The following TENM1 variants were observed in gnomAD, a reference collection of about 807,000 sequenced individuals.
The protein encoded by TENM1 is teneurin-1.
Under a neutral mutation model 174.8 loss-of-function variants are expected in TENM1, and 35 were observed. The ratio of observed to expected loss-of-function variants is 0.20; its 90% CI spans 0.15 to 0.27. TENM1 has a LOEUF of 0.27. Among genes scored for constraint, TENM1 ranks in the 10% least tolerant of loss-of-function variants. TENM1 has a pLI of 1.00. For missense variants in TENM1, 1,633 were observed against 2,130.1 expected (o/e 0.77, Z 4.59); for synonymous variants, 781 against 798.7 (o/e 0.98, Z 0.37).
In TENM1 at chrX:124,399,845, G is replaced by T. The variant is rs762511955; in HGVS notation, c.5391+5186C>A. Reference sequence around the variant, plus strand: ...AAATTAGCCGAGCACGGTGGCATGCGCCTGTAGTCCCAGCTACTCAGGAGA... The same window carrying T: ...AAATTAGCCGAGCACGGTGGCATGCTCCTGTAGTCCCAGCTACTCAGGAGA... On this transcript the variant is annotated intron_variant, in intron 27 of 31. Coordinates refer to ENST00000422452, the Ensembl canonical transcript of TENM1. Among the ~76,000 whole-genome samples the T allele has an allele frequency of 5.4e-5, 6 of 111,508 alleles. 1 individual carries two copies. In the South Asian group the frequency reaches 2.3e-3, roughly 42 times the overall value.
chrX:125,100,812 C>T, the TENM1 span, among the ~76,000 whole-genome samples: 1 of 111,289 alleles, frequency 9.0e-6, no homozygotes, highest in Admixed American at 9.6e-5. Context: ...ACTTATACAC[C>T]ACTTTTTTAA....
chrX:124,743,231 C>T (rs1168037005), intron 3 of TENM1, among the ~76,000 whole-genome samples: 1 of 111,522 alleles, frequency 9.0e-6, no homozygotes, highest in Non-Finnish European at 1.9e-5. Context: ...GGTAAGAAAA[C>T]TGGTTTTCAG....
chrX:125,146,314 G>C, the TENM1 span, among the ~76,000 whole-genome samples: 1 of 111,000 alleles, frequency 9.0e-6, no homozygotes, highest in African/African-American at 3.3e-5. Context: ...CTGGGGAGGG[G>C]GTTTAAGGAT....
the TENM1 span, among the ~76,000 whole-genome samples, chrX:125,192,292 G>C: frequency 1.8e-5 from 2 of 112,071 alleles, no homozygotes; most frequent in African/African-American, 6.5e-5. Flanking sequence ...TGTTTGAGGG[G>C]GGACATAGCA....
the TENM1 span, among the ~76,000 whole-genome samples, chrX:125,167,621 G>A: frequency 9.0e-6 from 1 of 111,148 alleles, no homozygotes; most frequent in Non-Finnish European, 1.9e-5. Flanking sequence ...AAGACCTAGG[G>A]TTTCGCCCAT....
intron 23 of TENM1, among the ~76,000 whole-genome samples, chrX:124,433,711 A>G (rs769041175): frequency 1.2e-3 from 138 of 112,541 alleles, no homozygotes; most frequent in Non-Finnish European, 2.0e-3. Flanking sequence ...AGGCTCTAAG[A>G]AAAACTATTT....
Position 124,620,126 on chromosome X carries a change from C to A in TENM1, c.2077+21665G>T, listed in dbSNP as rs1383948789. On this transcript the variant is annotated intron_variant, in intron 11 of 31. Coordinates refer to ENST00000422452, the Ensembl canonical transcript of TENM1. ...TCTCCCTTCTAGCCAAACTTGATTT[C>A]TCTGTATATTACTTACTTCTTTTCT... is the stretch of plus-strand genomic sequence containing the variant. Among the ~76,000 whole-genome samples, 5 of 112,334 alleles carry A rather than the reference C, an allele frequency of 4.5e-5. No homozygotes were observed. In the Admixed American group the frequency reaches 4.7e-4, roughly 11 times the overall value.
intron 1 of TENM1, among the ~76,000 whole-genome samples, chrX:124,917,332 T>C (rs1212989778): frequency 8.9e-6 from 1 of 111,998 alleles, no homozygotes; most frequent in African/African-American, 3.3e-5. Flanking sequence ...AACTTTTTTT[T>C]TCTCTTAAGC....
At chrX:124,793,270 A>T (rs909891151) in intron 3 of TENM1, among the ~76,000 whole-genome samples, 25 of 111,551 alleles carry the variant, frequency 2.2e-4, no homozygotes, top group Non-Finnish European at 4.3e-4. Flanking sequence ...TACTCTGGTA[A>T]TTATTTTTAA....
At chrX:125,101,527 G>A in the TENM1 span, among the ~76,000 whole-genome samples, 1 of 111,816 alleles carries the variant, frequency 8.9e-6, no homozygotes, top group Admixed American at 9.5e-5. Flanking sequence ...TGGAAATGGA[G>A]CCCCATGTTT....
At chrX:124,794,518 T>C (rs1157799114) in intron 3 of TENM1, among the ~76,000 whole-genome samples, 1 of 111,091 alleles carries the variant, frequency 9.0e-6, no homozygotes, top group African/African-American at 3.3e-5. Context: ...CAGAAATATA[T>C]CTTCTCTCTA....
intron 28 of TENM1, among the ~76,000 whole-genome samples, chrX:124,389,137 C>T (rs1307032426): frequency 9.0e-6 from 1 of 110,740 alleles, no homozygotes; most frequent in Admixed American, 9.6e-5. Context: ...CAGCCATTAC[C>T]CAAATAATTA....
chrX:124,575,567 T>C (rs2148198696), intron 11 of TENM1, among the ~76,000 whole-genome samples: 1 of 112,154 alleles, frequency 8.9e-6, no homozygotes, highest in African/African-American at 3.2e-5. Context: ...TCAAAAGTTG[T>C]AATGACTTTG....
intron 3 of TENM1, among the ~76,000 whole-genome samples, chrX:124,822,783 C>A (rs767385192): frequency 1.8e-5 from 2 of 111,814 alleles, no homozygotes; most frequent in Non-Finnish European, 1.9e-5. Context: ...TGTCTATAAT[C>A]CAGTGTTGCA....
At chrX:124,579,575 T>C (rs2049252123) in intron 11 of TENM1, among the ~76,000 whole-genome samples, 1 of 112,050 alleles carries the variant, frequency 8.9e-6, no homozygotes, top group Non-Finnish European at 1.9e-5. Context: ...GAGTTTTGTT[T>C]ACACATATAT....
At chrX:124,955,251 T>C (rs757079284) in intron 1 of TENM1, among the ~76,000 whole-genome samples, 2 of 111,646 alleles carry the variant, frequency 1.8e-5, no homozygotes, top group East Asian at 5.6e-4. Flanking sequence ...AAGGATATTT[T>C]TTTTAAATGC....
the TENM1 span, among the ~76,000 whole-genome samples, chrX:125,189,492 C>G: frequency 2.7e-5 from 3 of 112,138 alleles, no homozygotes; most frequent in African/African-American, 9.7e-5. Flanking sequence ...ACAGGACTGA[C>G]TATTGGTTTT....
intron 5 of TENM1, among the ~76,000 whole-genome samples, chrX:124,674,673 A>G: frequency 9.0e-6 from 1 of 111,651 alleles, no homozygotes; most frequent in Admixed American, 9.6e-5. Flanking sequence ...TGGCACATTA[A>G]TAAAGCTATA....
At chrX:124,999,463 C>T in the TENM1 span, among the ~76,000 whole-genome samples, 66 of 110,827 alleles carry the variant, frequency 6.0e-4, no homozygotes, top group African/African-American at 2.1e-3. Context: ...AGGAATCTGA[C>T]GTGATTAACT....
Sources: allele counts gnomAD v4.1 joint callset (sites outside exome capture counted in the v4.1 genomes callset), GRCh38; gene constraint gnomAD v4.1.1; transcripts MANE v1.5; gene names NCBI Gene and HGNC (gene_info 2026-07-23, HGNC 2026-07-21).